SASH1: variants seen among roughly 807,000 people sequenced by gnomAD.
The protein encoded by SASH1 is SAM and SH3 domain-containing protein 1.
SASH1 carries 44 observed loss-of-function variants against 125.2 expected under a neutral mutation model. The ratio of observed to expected loss-of-function variants is 0.35; its 90% CI spans 0.28 to 0.45. The LOEUF is 0.45. Ranked by LOEUF, SASH1 falls within the 20% of genes least tolerant of loss-of-function variation. The pLI, the probability that SASH1 is intolerant of heterozygous loss-of-function variation, is 1.00. For synonymous variants in SASH1, 639 were observed against 649.1 expected (o/e 0.98, Z 0.24); for missense variants, 1,426 against 1,614.5 (o/e 0.88, Z 2.00).
chr6:148,400,046 G>A (rs543503333), intron 2 of SASH1, among the ~76,000 whole-genome samples: 23 of 152,342 alleles, frequency 1.5e-4, no homozygotes, highest in Non-Finnish European at 2.8e-4. Flanking sequence ...TTAATTTGTA[G>A]CACACTAGAG....
chr6:148,462,781 A>G (rs573263727), intron 4 of SASH1, among the ~76,000 whole-genome samples: 2 of 152,318 alleles, frequency 1.3e-5, no homozygotes, highest in African/African-American at 2.4e-5. Context: ...TAAAGAATGT[A>G]TACAATTTGG....
At position 148,548,609 on chromosome 6, in the gene SASH1, T is replaced by C. The variant is rs1354265867; in HGVS notation, c.*51T>C. ...ACAAGAGCCACCCTTTCACTGTGCA[T>C]ATGATGCTGATGCAATTCCTCCATC... On this transcript the variant is annotated 3_prime_UTR_variant, in exon 20 of 20. Coordinates refer to ENST00000367467, the MANE Select transcript of SASH1 (RefSeq NM_015278.5). 6.6e-6 allele frequency: 10 copies of C among 1,522,160 alleles called. No homozygotes were observed. Among genetic ancestry groups the C allele is most frequent in the Non-Finnish European group, 7.9e-6 (9 of 1,136,092 alleles). 94.3% of individuals were successfully genotyped at this position (1,522,160 alleles called of 1,614,324 possible). A position where few individuals can be genotyped will look rare whatever the true frequency, so the allele number is the denominator to read the frequency against.
At chr6:148,407,645 T>C (rs2114894229) in intron 2 of SASH1, among the ~76,000 whole-genome samples, 1 of 152,318 alleles carries the variant, frequency 6.6e-6, no homozygotes, top group East Asian at 1.9e-4. Flanking sequence ...TTTTTGTTTT[T>C]GTTTTGAGAT....
intron 1 of SASH1, among the ~76,000 whole-genome samples, chr6:148,353,409 G>T (rs1264250760): frequency 1.4e-5 from 2 of 144,784 alleles, no homozygotes; most frequent in Non-Finnish European, 3.0e-5. Context: ...ATGATGTTCT[G>T]ATTCTACATG....
At chr6:148,546,269 GAGAAAGTAAT>G in intron 19 of SASH1, 123 bp downstream of exon 19, 1 of 1,145,920 alleles carries the variant, frequency 8.7e-7, no homozygotes. Flanking sequence ...GACAGCTGGG[GAGAAAGTAAT>G]ATGTGGTCAG....
chr6:148,280,256 G>C (rs1042873177), intron 1 of SASH1: 1 of 151,630 alleles, frequency 6.6e-6, no homozygotes, highest in Non-Finnish European at 1.5e-5. Context: ...CCTGCCTCTG[G>C]GTGGTTGCCC....
chr6:148,481,263 T>C (rs1335707994), intron 7 of SASH1, among the ~76,000 whole-genome samples: 1 of 152,198 alleles, frequency 6.6e-6, no homozygotes, highest in African/African-American at 2.4e-5. Context: ...GGATTCGGCG[T>C]TGGCTTACGA....
At chr6:148,272,922 A>G (rs1779097393) in intron 1 of SASH1, among the ~76,000 whole-genome samples, 1 of 152,256 alleles carries the variant, frequency 6.6e-6, no homozygotes, top group African/African-American at 2.4e-5. Flanking sequence ...TGGAAATCGT[A>G]TTCTACAGAT....
the SASH1 span, among the ~76,000 whole-genome samples, chr6:148,229,901 G>A: frequency 5.9e-5 from 9 of 151,938 alleles, no homozygotes; most frequent in Non-Finnish European, 1.0e-4. Flanking sequence ...TAGCAGAGAC[G>A]GGGTTTCGCC....
chr6:148,517,859 G>A (rs1298017392), intron 9 of SASH1, among the ~76,000 whole-genome samples: 1 of 152,184 alleles, frequency 6.6e-6, no homozygotes, highest in African/African-American at 2.4e-5. Context: ...TACGCAGGGT[G>A]GACTCACCTG....
In SASH1 at chr6:148,343,138, C is replaced by CGCCGGA; in HGVS notation, c.78_83dup (p.Glu30_Pro31dup). 6.3e-7 allele frequency: 1 copy of CGCCGGA among 1,579,892 alleles called. No homozygotes were observed. Among genetic ancestry groups the CGCCGGA allele is most frequent in the Non-Finnish European group, 8.6e-7 (1 of 1,162,300 alleles). ...GAGCCCGAGCCGGAGCCCGAGCCCG[C>CGCCGGA]GCCGGAGCCGGAACCGGAGCCCAAG... On this transcript the variant is annotated inframe_insertion, in exon 1 of 20. Coordinates refer to ENST00000367467, the MANE Select transcript of SASH1 (RefSeq NM_015278.5).
the SASH1 span, among the ~76,000 whole-genome samples, chr6:148,261,057 A>G: frequency 2.6e-5 from 4 of 152,074 alleles, no homozygotes; most frequent in Middle Eastern, 3.2e-3. Flanking sequence ...TGCCAGCCTC[A>G]GCCTCCCAAA....
chr6:148,270,742 A>G (rs1482047849), upstream of SASH1, among the ~76,000 whole-genome samples: 1 of 152,114 alleles, frequency 6.6e-6, no homozygotes, highest in Non-Finnish European at 1.5e-5. Flanking sequence ...ATACACCATC[A>G]CTGATATTAG....
chr6:148,258,909 G>A, the SASH1 span, among the ~76,000 whole-genome samples: 1 of 152,184 alleles, frequency 6.6e-6, no homozygotes, highest in Non-Finnish European at 1.5e-5. Flanking sequence ...AGCTTGAGGT[G>A]TTTCAAAATG....
intron 1 of SASH1, among the ~76,000 whole-genome samples, chr6:148,326,245 C>T: frequency 7.0e-6 from 1 of 142,272 alleles, no homozygotes; most frequent in Non-Finnish European, 1.5e-5. Flanking sequence ...CAAGGCTGGT[C>T]TCGAACTCCT....
chr6:148,246,066 A>G, the SASH1 span, among the ~76,000 whole-genome samples: 1 of 151,936 alleles, frequency 6.6e-6, no homozygotes. Flanking sequence ...ACAAACACAC[A>G]TGTGTACACA....
At chr6:148,499,554 T>G (rs1043717808) in intron 8 of SASH1, among the ~76,000 whole-genome samples, 1 of 152,170 alleles carries the variant, frequency 6.6e-6, no homozygotes, top group Non-Finnish European at 1.5e-5. Context: ...GGTTGTGGAC[T>G]TCATTGAGAT....
rs375956080 is a variant in SASH1, at chr6:148,379,345, C to G, written c.157-10789C>G. ...TCAGAGGAATTACATTTGATATTCC[C>G]TCTGTATGGAACTTCTTCCTACCCC... On this transcript the variant is annotated intron_variant, in intron 1 of 19. Coordinates refer to ENST00000367467, the MANE Select transcript of SASH1 (RefSeq NM_015278.5). Among the ~76,000 whole-genome samples, 15 of 152,248 alleles carry G rather than the reference C, an allele frequency of 9.9e-5. No homozygotes were observed. The East Asian group carries it at 2.1e-3, about 22-fold the overall frequency.
chr6:148,305,504 TCC>T (rs1780101859), intron 1 of SASH1, among the ~76,000 whole-genome samples: 2 of 151,006 alleles, frequency 1.3e-5, no homozygotes. Context: ...GCACCTATAA[TCC>T]CAGCTACTCG....
Sources: allele counts gnomAD v4.1 joint callset (sites outside exome capture counted in the v4.1 genomes callset), GRCh38; gene constraint gnomAD v4.1.1; transcripts MANE v1.5; gene names NCBI Gene and HGNC (gene_info 2026-07-23, HGNC 2026-07-21).